PDZRN4: variants seen among roughly 807,000 people sequenced by gnomAD.
The protein encoded by PDZRN4 is PDZ domain containing ring finger 4, also known as PDZ domain-containing RING finger protein 4.
PDZRN4 carries 70 observed loss-of-function variants against 99.0 expected under a neutral mutation model. The observed-to-expected ratio is 0.71, with a 90% CI of 0.58 to 0.86. The LOEUF is 0.86. Among genes scored for constraint, PDZRN4 ranks in the 40% least tolerant of loss-of-function variants. PDZRN4 has a pLI of 0.00. For missense variants in PDZRN4, 1,474 were observed against 1,331.2 expected (o/e 1.11, Z -1.67); for synonymous variants, 551 against 501.6 (o/e 1.10, Z -1.32).
At chr12:41,392,599 C>A (rs1592041025) in intron 3 of PDZRN4, among the ~76,000 whole-genome samples, 1 of 152,096 alleles carries the variant, frequency 6.6e-6, no homozygotes, top group South Asian at 2.1e-4. Context: ...GAATGTCCTC[C>A]CCTTACTTAC....
At chr12:41,476,929 AT>A (rs1474971136) in intron 3 of PDZRN4, among the ~76,000 whole-genome samples, 1 of 152,166 alleles carries the variant, frequency 6.6e-6, no homozygotes, top group African/African-American at 2.4e-5. Context: ...TCACGCTTGC[AT>A]TTGTGTTTTG....
At chr12:41,442,534 G>T (rs1952687954) in intron 3 of PDZRN4, among the ~76,000 whole-genome samples, 2 of 152,046 alleles carry the variant, frequency 1.3e-5, no homozygotes, top group Non-Finnish European at 2.9e-5. Flanking sequence ...GACTCACCAG[G>T]ATGCCCTGCT....
At chr12:41,404,278 C>T (rs1313829669) in intron 3 of PDZRN4, among the ~76,000 whole-genome samples, 2 of 152,066 alleles carry the variant, frequency 1.3e-5, no homozygotes, top group Admixed American at 1.3e-4. Flanking sequence ...ATGCGAGTAG[C>T]ATGGCATCTA....
At chr12:41,419,002 T>G (rs879320726) in intron 3 of PDZRN4, among the ~76,000 whole-genome samples, 2 of 152,208 alleles carry the variant, frequency 1.3e-5, no homozygotes, top group African/African-American at 2.4e-5. Context: ...ATTAAGGCTA[T>G]GTAACTCCAT....
intron 3 of PDZRN4, among the ~76,000 whole-genome samples, chr12:41,398,163 A>T (rs1952263472): frequency 6.6e-6 from 1 of 152,196 alleles, no homozygotes; most frequent in Non-Finnish European, 1.5e-5. Flanking sequence ...AATACATTTT[A>T]AAATGCACCC....
intron 3 of PDZRN4, among the ~76,000 whole-genome samples, chr12:41,370,448 A>G (rs1376480266): frequency 6.6e-6 from 1 of 152,042 alleles, no homozygotes; most frequent in Non-Finnish European, 1.5e-5. Flanking sequence ...AAAGTCTTTT[A>G]TCAGTCAAAT....
chr12:41,518,083 T>C (rs1449550687), intron 5 of PDZRN4, among the ~76,000 whole-genome samples: 1 of 152,106 alleles, frequency 6.6e-6, no homozygotes, highest in Non-Finnish European at 1.5e-5. Flanking sequence ...TATATCACAT[T>C]GTCTCTGAAA....
intron 3 of PDZRN4, among the ~76,000 whole-genome samples, chr12:41,430,974 G>A (rs1952581808): frequency 6.6e-6 from 1 of 152,126 alleles, no homozygotes; most frequent in African/African-American, 2.4e-5. Flanking sequence ...TGGTGCTACG[G>A]ACTTTTAAAC....
At chr12:41,469,698 G>C (rs999216067) in intron 3 of PDZRN4, among the ~76,000 whole-genome samples, 1 of 152,122 alleles carries the variant, frequency 6.6e-6, no homozygotes, top group African/African-American at 2.4e-5. Flanking sequence ...TTGGGAGGCC[G>C]AGGGGGGCCG....
chr12:41,563,596 T>A lies in PDZRN4; in HGVS notation c.1414T>A (p.Ser472Thr), dbSNP rs1939311311. Residue 472 changes from serine (S) to threonine (T), a missense_variant, in exon 8 of 10, where the codon TCT becomes ACT. By Grantham distance (58) the Ser-to-Thr change is moderately conservative. Transcript: ENST00000402685. ...TCGAGAAGAAGCAGTGGCCTTGCTG[T>A]CTAACGATGAGTGTAAGAGAATCGT... ...QNREEAVALL[S>T]NDECKRIVLL... is the part of the protein sequence containing the mutation. 6.2e-7 allele frequency: 1 copy of A among 1,613,526 alleles called. No homozygotes were observed. The highest frequency in any genetic ancestry group is 8.5e-7 in the Non-Finnish European group (1 of 1,179,660).
intron 3 of PDZRN4, among the ~76,000 whole-genome samples, chr12:41,221,207 G>A (rs1950953290): frequency 6.6e-6 from 1 of 152,162 alleles, no homozygotes; most frequent in African/African-American, 2.4e-5. Flanking sequence ...GACTTTATGT[G>A]ATCAAGAAAC....
intron 5 of PDZRN4, among the ~76,000 whole-genome samples, chr12:41,527,772 C>T (rs867725749): frequency 9.2e-5 from 14 of 152,262 alleles, no homozygotes; most frequent in South Asian, 6.2e-4. Flanking sequence ...ATAAGTGAGA[C>T]GACAGTGGGG....
chr12:41,255,522 C>A (rs1465983546), intron 3 of PDZRN4, among the ~76,000 whole-genome samples: 1 of 152,102 alleles, frequency 6.6e-6, no homozygotes, highest in African/African-American at 2.4e-5. Context: ...ATTCTACCTT[C>A]TGTCATGTCT....
intron 3 of PDZRN4, among the ~76,000 whole-genome samples, chr12:41,195,896 G>A (rs1472997844): frequency 6.6e-6 from 1 of 152,020 alleles, no homozygotes; most frequent in Non-Finnish European, 1.5e-5. Flanking sequence ...TCCTACATTT[G>A]ATATTATTAG....
intron 8 of PDZRN4, among the ~76,000 whole-genome samples, chr12:41,566,994 G>A (rs879745121): frequency 6.6e-6 from 1 of 152,098 alleles, no homozygotes; most frequent in Non-Finnish European, 1.5e-5. Context: ...ACTTCACTTT[G>A]TATTGAAAAG....
chr12:41,197,438 G>C (rs1023414225), intron 3 of PDZRN4, among the ~76,000 whole-genome samples: 5 of 152,084 alleles, frequency 3.3e-5, no homozygotes, highest in African/African-American at 1.2e-4. Context: ...TATAAGGCAA[G>C]TTAATTTTTG....
At chr12:41,569,192 T>A (rs12315016) in intron 9 of PDZRN4, among the ~76,000 whole-genome samples, 20,249 of 151,532 alleles carry the variant, frequency 0.13, 1,482 homozygotes, top group South Asian at 0.28. Flanking sequence ...CAATCTCAGC[T>A]CACTGCAACC....
At chr12:41,391,506 T>A (rs1952211345) in intron 3 of PDZRN4, among the ~76,000 whole-genome samples, 1 of 152,130 alleles carries the variant, frequency 6.6e-6, no homozygotes, top group African/African-American at 2.4e-5. Context: ...AAGAGAGAAT[T>A]GACATGATAA....
chr12:41,435,410 G>T (rs889137918), intron 3 of PDZRN4, among the ~76,000 whole-genome samples: 4 of 152,074 alleles, frequency 2.6e-5, no homozygotes, highest in African/African-American at 9.7e-5. Context: ...TTTTATCAGT[G>T]GAAAAAGCAA....
Sources: gnomAD v4.1 joint callset for allele counts (sites outside exome capture counted in the v4.1 genomes callset) on GRCh38, gnomAD v4.1.1 for gene constraint, MANE v1.5 for transcripts, NCBI Gene and HGNC (gene_info 2026-07-23, HGNC 2026-07-21) for gene names.